Variants in FAM118A observed in about 807,000 individuals in gnomAD.
FAM118A encodes protein FAM118A.
FAM118A carries 25 observed loss-of-function variants against 38.2 expected under a neutral mutation model. The observed-to-expected ratio is 0.65, with a 90% confidence interval of 0.48 to 0.91. The LOEUF (loss-of-function observed/expected upper bound fraction) is 0.91. FAM118A is among the 40% of genes least tolerant of loss of function. FAM118A has a pLI of 0.00. For missense variants in FAM118A, 425 were observed against 463.3 expected, an observed-to-expected ratio of 0.92 and a Z score of 0.76; for synonymous variants, 178 against 184.1, an observed-to-expected ratio of 0.97 and a Z score of 0.27.
At chr22:45,313,216 T>G (rs989474364) in intron 1 of FAM118A, among the ~76,000 whole-genome samples, 2 of 151,960 alleles carry the variant, frequency 1.3e-5, no homozygotes, top group African/African-American at 4.8e-5. Context: ...GGAGACAAGT[T>G]CAGATGTGTC....
chr22:45,311,104 G>A (rs2084343839), intron 1 of FAM118A, among the ~76,000 whole-genome samples: 2 of 152,136 alleles, frequency 1.3e-5, no homozygotes, highest in South Asian at 2.1e-4. Context: ...CTGGGAAGGG[G>A]TGGGTGTTAA....
rs559490049 is a variant in FAM118A, at chr22:45,310,947, G to C, written c.-10+764G>C. ...CATTTTGTTTTTGAATGCCTGATAGGCTCCAGGAATTGACACTGGAAATAG... is the reference window on the plus strand; with the variant it reads ...CATTTTGTTTTTGAATGCCTGATAGCCTCCAGGAATTGACACTGGAAATAG... On this transcript the variant is annotated intron_variant, in intron 1 of 8. Coordinates refer to ENST00000441876, the MANE Select transcript of FAM118A (RefSeq NM_017911.4). Among the ~76,000 whole-genome samples the C allele has an allele frequency of 2.6e-4, 39 of 152,266 alleles. 1 individual carries two copies. The South Asian group carries it at 7.5e-3, about 29-fold the overall frequency.
At chr22:45,332,838 C>A in intron 6 of FAM118A, 128 bp downstream of exon 6, 1 of 986,700 alleles carries the variant, frequency 1.0e-6, no homozygotes, top group East Asian at 2.5e-5. Context: ...CCTCCGCCTC[C>A]TAGGTTCAAG....
intron 5 of FAM118A, among the ~76,000 whole-genome samples, chr22:45,331,402 G>T (rs1016122256): frequency 6.6e-6 from 1 of 152,072 alleles, no homozygotes; most frequent in Non-Finnish European, 1.5e-5. Context: ...AATAGACAGG[G>T]TCTTGCTCTG....
chr22:45,313,970 G>A (rs992672248), intron 1 of FAM118A, among the ~76,000 whole-genome samples: 6 of 152,154 alleles, frequency 3.9e-5, no homozygotes, highest in African/African-American at 1.4e-4. Context: ...TCCATTTAAT[G>A]CTTCCAGCAA....
rs146965380 is a variant in FAM118A, at chr22:45,321,052, G to A, written c.-9-1319G>A. Among the ~76,000 whole-genome samples, 68 of 152,320 alleles carry A rather than the reference G, an allele frequency of 4.5e-4. 2 individuals are homozygous for A. In the East Asian group the frequency reaches 0.013, roughly 28 times the overall value. ...TAGTTTTTAATAACATAAAGGAGATGTATTTATTTTAATGCATGAAAAAGT... is the reference window on the plus strand; with the variant it reads ...TAGTTTTTAATAACATAAAGGAGATATATTTATTTTAATGCATGAAAAAGT... On this transcript the variant is annotated intron_variant, in intron 1 of 8. Transcript: ENST00000441876.
intron 1 of FAM118A, among the ~76,000 whole-genome samples, chr22:45,318,116 G>A (rs1203288429): frequency 6.6e-6 from 1 of 152,166 alleles, no homozygotes; most frequent in East Asian, 1.9e-4. Flanking sequence ...CGTAGTGCTG[G>A]ATGCCAGGGT....
rs570576172 is a variant in FAM118A, at chr22:45,336,655, C to A, written c.1054+244C>A. Reference sequence around the variant, plus strand: ...AGAAAAATGTTACGGAGAAAACATACACTAAGAAGGTGCAGCGGGCAGAAG... The same window carrying A: ...AGAAAAATGTTACGGAGAAAACATAAACTAAGAAGGTGCAGCGGGCAGAAG... On this transcript the variant is annotated intron_variant, in intron 8 of 8. Transcript: ENST00000441876. 6.6e-5 allele frequency among the ~76,000 whole-genome samples: 10 copies of A among 152,302 alleles called. No homozygotes were observed. In the South Asian group the frequency reaches 8.3e-4, roughly 13 times the overall value.
chr22:45,324,671 A>T (rs990151033), intron 3 of FAM118A, among the ~76,000 whole-genome samples: 1 of 152,206 alleles, frequency 6.6e-6, no homozygotes, highest in Non-Finnish European at 1.5e-5. Flanking sequence ...TCATTTACGT[A>T]TAGTACGTGG....
chr22:45,333,987 C>T (rs992348157), intron 6 of FAM118A, among the ~76,000 whole-genome samples: 8 of 152,190 alleles, frequency 5.3e-5, no homozygotes, highest in Non-Finnish European at 7.3e-5. Context: ...ACTTGAAAGA[C>T]GCAGATATCT....
At chr22:45,317,180 C>T (rs1417763418) in intron 1 of FAM118A, among the ~76,000 whole-genome samples, 1 of 152,196 alleles carries the variant, frequency 6.6e-6, no homozygotes, top group Non-Finnish European at 1.5e-5. Flanking sequence ...AGTTCGAGAC[C>T]AGCCTCTGAC....
chr22:45,341,664 G>GT lies in FAM118A; in HGVS notation c.*1259_*1260insT, dbSNP rs2086459869. ...GCTTCTCTGACTGTGACCCGGCAGA[G>GT]GCTTCTGTGGCGGTGCATGAGCGGC... On this transcript the variant is annotated 3_prime_UTR_variant, in exon 9 of 9. Coordinates refer to ENST00000441876, the MANE Select transcript of FAM118A (RefSeq NM_017911.4). 1.3e-5 allele frequency: 2 copies of GT among 152,242 alleles called. No homozygotes were observed. The highest frequency in any genetic ancestry group is 2.4e-5 in the African/African-American group (1 of 41,436). The allele number at this position is 152,242 out of a possible 1,614,324, so 9.4% of individuals were successfully genotyped here.
chr22:45,331,290 C>T (rs1467064582), intron 5 of FAM118A, among the ~76,000 whole-genome samples: 2 of 152,136 alleles, frequency 1.3e-5, no homozygotes, highest in East Asian at 3.8e-4. Flanking sequence ...CACCACTGCA[C>T]TCCAGCCTGG....
rs2085017270 is a variant in FAM118A at position 45,323,327 on chromosome 22, A to G, written c.200A>G (p.Glu67Gly). 6.2e-7 allele frequency: 1 copy of G among 1,614,150 alleles called. No individual in the cohort carries two copies. The highest frequency in any genetic ancestry group is 2.2e-5 in the East Asian group (1 of 44,888). ...EAVIEAAEQL[E>G]VLHPGDVAEF... is the part of the protein sequence containing the mutation. ...GTCATCGAGGCTGCAGAGCAGCTGG[A>G]GGTGCTGCACCCCGGAGACGTCGCC... is the stretch of plus-strand genomic sequence containing the variant. Residue 67 changes from glutamate to glycine, a missense_variant, in exon 3 of 9, where the codon GAG (glutamate) becomes GGG (glycine). Transcript: ENST00000441876.
At chr22:45,318,362 G>GAC (rs1364473250) in intron 1 of FAM118A, 4 of 152,156 alleles carry the variant, frequency 2.6e-5, no homozygotes, top group Non-Finnish European at 5.9e-5. Context: ...CCGTGGTGAC[G>GAC]ACATAGTCAC....
At chr22:45,332,812 T>C (rs1014444360) in intron 6 of FAM118A, 102 bp downstream of exon 6, 2 of 1,305,992 alleles carry the variant, frequency 1.5e-6, no homozygotes, top group African/African-American at 3.0e-5. Context: ...AATGGCACCA[T>C]CTTGGCTCAC....
At chr22:45,322,452 A>G (rs763019140) in intron 2 of FAM118A, 26 bp downstream of exon 2, 127 of 1,593,636 alleles carry the variant, frequency 8.0e-5, no homozygotes, top group South Asian at 1.4e-4. Flanking sequence ...TATACCTTCA[A>G]GCAGCTTCAT....
chr22:45,340,501 T>G lies in FAM118A; in HGVS notation c.*96T>G. The stretch of plus-strand genomic sequence containing the variant: ...GTATGGAGAACTCCACGTGGATCTC[T>G]GATTGCGAAACCGTCACATACACCA... On this transcript the variant is annotated 3_prime_UTR_variant, in exon 9 of 9. Transcript: ENST00000441876. 1 of 1,440,860 alleles carries G rather than the reference T, an allele frequency of 6.9e-7. No individual in the cohort carries two copies. The highest frequency in any genetic ancestry group is 9.8e-7 in the Non-Finnish European group (1 of 1,022,690). The allele number at this position is 1,440,860 out of a possible 1,614,324, so 89.3% of individuals were successfully genotyped here. A position where few individuals can be genotyped will look rare whatever the true frequency, so the allele number is the denominator to read the frequency against.
intron 4 of FAM118A, chr22:45,328,650 A>G: frequency 1.7e-6 from 1 of 578,826 alleles, no homozygotes; most frequent in Non-Finnish European, 3.1e-6. Context: ...AAAAAGTAAT[A>G]ATGGAAAGTG....
Sources: allele counts gnomAD v4.1 joint callset (sites outside exome capture counted in the v4.1 genomes callset), GRCh38; gene constraint gnomAD v4.1.1; transcripts MANE v1.5; gene names NCBI Gene and HGNC (gene_info 2026-07-23, HGNC 2026-07-21).